The following NAV1 variants were observed in gnomAD, a reference collection of about 807,000 sequenced individuals.
NAV1 encodes neuron navigator 1.
A neutral mutation model predicts 175.2 loss-of-function variants in NAV1; 18 were observed. The observed-to-expected ratio is 0.10, with a 90% CI of 0.07 to 0.15. The LOEUF is 0.15. Ranked by LOEUF, NAV1 falls within the 10% of genes least tolerant of loss-of-function variation. The pLI is 1.00. For missense variants in NAV1, 1,731 were observed against 2,436.6 expected, an observed-to-expected ratio of 0.71 and a Z score of 6.10; for synonymous variants, 897 against 978.7, an observed-to-expected ratio of 0.92 and a Z score of 1.56.
chr1:201,678,387 A>G (rs1449031016), intron 1 of NAV1, among the ~76,000 whole-genome samples: 1 of 152,216 alleles, frequency 6.6e-6, no homozygotes, highest in African/African-American at 2.4e-5. Context: ...TAAGCACTTT[A>G]TGAGTAATAG....
rs373694866 is a variant in NAV1, at chr1:201,711,204, T to C, written c.758-1613T>C. 7.2e-5 allele frequency among the ~76,000 whole-genome samples: 11 copies of C among 152,370 alleles called. No homozygotes were observed. The East Asian group carries it at 1.5e-3, about 21-fold the overall frequency. On this transcript the variant is annotated intron_variant, in intron 1 of 29. Transcript: ENST00000367296. ...GGCATGGTGGCCTGCCATTTGTCCC[T>C]GATCCTTGCCACCAGCATGGAGGCC... is the stretch of plus-strand genomic sequence containing the variant.
At chr1:201,779,038 C>T (rs1195742374) in intron 3 of NAV1, among the ~76,000 whole-genome samples, 2 of 152,262 alleles carry the variant, frequency 1.3e-5, no homozygotes, top group Admixed American at 6.5e-5. Flanking sequence ...ACTGAACTTC[C>T]GTGTTCAGTT....
At chr1:201,749,141 C>G (rs780137367) in intron 3 of NAV1, among the ~76,000 whole-genome samples, 1 of 151,984 alleles carries the variant, frequency 6.6e-6, no homozygotes, top group Non-Finnish European at 1.5e-5. Context: ...GAGTGAGACT[C>G]CGTTTCAAAA....
At chr1:201,714,656 G>A (rs1672061374) in intron 2 of NAV1, among the ~76,000 whole-genome samples, 1 of 152,234 alleles carries the variant, frequency 6.6e-6, no homozygotes, top group East Asian at 1.9e-4. Context: ...ATCAGTTTAG[G>A]ACCCAGCGGA....
chr1:201,776,308 G>A (rs1248937258), intron 3 of NAV1, among the ~76,000 whole-genome samples: 1 of 135,284 alleles, frequency 7.4e-6, no homozygotes, highest in East Asian at 2.2e-4. Context: ...AGACCAGCCT[G>A]GGCAACATAA....
intron 3 of NAV1, among the ~76,000 whole-genome samples, chr1:201,771,038 A>ACAG (rs1675543166): frequency 6.6e-6 from 1 of 152,252 alleles, no homozygotes; most frequent in East Asian, 1.9e-4. Context: ...AGAGAACTCC[A>ACAG]CAGCAGCCCA....
chr1:201,810,696 T>G lies in NAV1; in HGVS notation c.4735T>G (p.Ser1579Ala), dbSNP rs750517510. The G allele has an allele frequency of 1.2e-6, 2 of 1,614,000 alleles. No individual in the cohort carries two copies. The highest frequency in any genetic ancestry group is 8.5e-7 in the Non-Finnish European group (1 of 1,180,030). The change falls in exon 24 of 30, where the codon TCT becomes GCT. Residue 1579 changes from serine (S) to alanine (A), a missense_variant. This residue lies in a region of NAV1 where 115 missense variants were observed against 269.4 expected (regional missense o/e 0.43). Coordinates refer to ENST00000367296, the Ensembl canonical transcript of NAV1. The surrounding 1 kb of genome is among the most constrained non-coding windows in gnomAD (Gnocchi z 6.0). Reference sequence around the variant, plus strand: ...CTTGGCCGAGTACCTGGTGGAGCGCTCTGGCCGTGAGGTCACAGAGGGCAT... The same window carrying G: ...CTTGGCCGAGTACCTGGTGGAGCGCGCTGGCCGTGAGGTCACAGAGGGCAT...
intron 3 of NAV1, among the ~76,000 whole-genome samples, chr1:201,726,458 A>C (rs1464964791): frequency 1.3e-5 from 2 of 152,004 alleles, no homozygotes; most frequent in African/African-American, 2.4e-5. Flanking sequence ...AGCCTGACCA[A>C]CAACAACATG....
At chr1:201,728,915 C>G (rs239993) in intron 3 of NAV1, among the ~76,000 whole-genome samples, 140,595 of 152,340 alleles carry the variant, frequency 0.92, 65,108 homozygotes, top group East Asian at 1. Context: ...AGTTGCTATG[C>G]CAACTAATGC....
At chr1:201,733,416 T>C (rs1336971383) in intron 3 of NAV1, 2 of 152,114 alleles carry the variant, frequency 1.3e-5, no homozygotes, top group African/African-American at 4.8e-5. Flanking sequence ...GTGCTCGCTT[T>C]GGCAGCACAT....
chr1:201,698,613 G>A (rs1370642935), intron 1 of NAV1, among the ~76,000 whole-genome samples: 1 of 152,242 alleles, frequency 6.6e-6, no homozygotes, highest in Middle Eastern at 3.2e-3. Context: ...GGAAAGGTCT[G>A]TAGCCAGGAG....
chr1:201,740,488 G>A lies in NAV1; in HGVS notation c.1226+21733G>A, dbSNP rs1022430025. Among the ~76,000 whole-genome samples, 13 of 152,314 alleles carry A rather than the reference G, an allele frequency of 8.5e-5. No homozygotes were observed. In the South Asian group the frequency reaches 2.7e-3, roughly 32 times the overall value. ...GGGTCGGGGGTCCTGGGGACCAGGC[G>A]GGTGGAAGGAGGAGGGGCTTGCAGC... On this transcript the variant is annotated intron_variant, in intron 3 of 29. Coordinates refer to ENST00000367296, the Ensembl canonical transcript of NAV1. The surrounding 1 kb of genome is among the most constrained non-coding windows in gnomAD (Gnocchi z 4.7).
At chr1:201,625,711 C>T (rs905350243) in intron 1 of NAV1, among the ~76,000 whole-genome samples, 1 of 152,154 alleles carries the variant, frequency 6.6e-6, no homozygotes, top group African/African-American at 2.4e-5. Context: ...CTTTCTTCTC[C>T]TACCTGATTC....
intron 1 of NAV1, among the ~76,000 whole-genome samples, chr1:201,564,342 C>T (rs112458935): frequency 0.06 from 9,113 of 152,110 alleles, 364 homozygotes; most frequent in African/African-American, 0.12. Context: ...GGGCCAGGCA[C>T]GGTAGCTCAC....
intron 1 of NAV1, among the ~76,000 whole-genome samples, chr1:201,583,209 G>A (rs1558006602): frequency 6.6e-6 from 1 of 152,246 alleles, no homozygotes; most frequent in Non-Finnish European, 1.5e-5. Flanking sequence ...GCCTCGGCTG[G>A]GCTCACGCTG....
At chr1:201,785,452 C>T in intron 8 of NAV1, 101 bp downstream of exon 12, 1 of 1,256,178 alleles carries the variant, frequency 8.0e-7, no homozygotes, top group East Asian at 2.3e-5. Flanking sequence ...TGAATTTAGT[C>T]ACCCTTTTAG....
At chr1:201,623,573 C>T in exon 1 of NAV1, 1 of 986,594 alleles carries the variant, frequency 1.0e-6, no homozygotes, top group African/African-American at 1.7e-5. Context: ...CAGAGTCAGC[C>T]AGTCACAGCC....
chr1:201,686,663 T>G (rs1319306640), intron 1 of NAV1, among the ~76,000 whole-genome samples: 1 of 152,206 alleles, frequency 6.6e-6, no homozygotes, highest in Non-Finnish European at 1.5e-5. Context: ...TCCAACCCAT[T>G]TGCTTATTTC....
Position 201,807,906 on chromosome 1 carries a change from A to G in NAV1, c.3649-47A>G, listed in dbSNP as rs773450939. 8 of 1,582,456 alleles carry G rather than the reference A, an allele frequency of 5.1e-6. No homozygotes were observed. Among genetic ancestry groups the G allele is most frequent in the Middle Eastern group, 1.7e-4 (1 of 5,884 alleles). On this transcript the variant is annotated intron_variant, in intron 17 of 29. Transcript: ENST00000367296. This position sits in a 1 kb window ranked among gnomAD's most constrained non-coding sequence, Gnocchi z 5.4. ...TCTCAATCCAGTCCTCCCCCATCCCAGTAGTGGAGTCCTAATGTCCCTCTA... is the reference window on the plus strand; with the variant it reads ...TCTCAATCCAGTCCTCCCCCATCCCGGTAGTGGAGTCCTAATGTCCCTCTA...
Sources: allele counts gnomAD v4.1 joint callset (sites outside exome capture counted in the v4.1 genomes callset), GRCh38; gene constraint gnomAD v4.1.1; regional missense constraint gnomAD v4.1.1; non-coding constraint Gnocchi (gnomAD v3.1); transcripts MANE v1.5; gene names NCBI Gene and HGNC (gene_info 2026-07-23, HGNC 2026-07-21).